PRPSAP2: variants seen among roughly 807,000 people sequenced by gnomAD.
PRPSAP2 encodes phosphoribosyl pyrophosphate synthetase associated protein 2, also known as phosphoribosyl pyrophosphate synthase-associated protein 2.
A neutral mutation model predicts 40.6 loss-of-function variants in PRPSAP2; 24 were observed. That is an observed-to-expected ratio of 0.59 (90% CI 0.43 to 0.83). The LOEUF (loss-of-function observed/expected upper bound fraction) is 0.83, where lower values mean the gene tolerates loss of function less well. PRPSAP2 is among the 40% of genes least tolerant of loss of function. The probability of loss-of-function intolerance (pLI) is 0.00; values close to 1 mark genes in which losing one functional copy is unlikely to be tolerated. For missense variants in PRPSAP2, 292 were observed against 465.6 expected (o/e 0.63, Z 3.43); for synonymous variants, 149 against 164.7 (o/e 0.90, Z 0.73).
intron 9 of PRPSAP2, among the ~76,000 whole-genome samples, chr17:18,912,380 A>C (rs1210985642): frequency 3.3e-5 from 5 of 152,142 alleles, no homozygotes; most frequent in Non-Finnish European, 7.4e-5. Flanking sequence ...CTACCTCTTA[A>C]TACCACCACA....
chr17:18,897,453 G>GTTGTTGT (rs1555555755), intron 8 of PRPSAP2, among the ~76,000 whole-genome samples: 1,860 of 150,530 alleles, frequency 0.012, 16 homozygotes, highest in Non-Finnish European at 0.017. Context: ...CTCTATAGTG[G>GTTGTTGT]TGTTGTTGTT....
At chr17:18,913,903 C>A (rs113778654) in intron 9 of PRPSAP2, among the ~76,000 whole-genome samples, 27,053 of 151,082 alleles carry the variant, frequency 0.18, 2,656 homozygotes, top group African/African-American at 0.24. Context: ...TGGCTGGGCG[C>A]GGCGGCTCAC....
chr17:18,907,788 A>G (rs1021948984), intron 8 of PRPSAP2, among the ~76,000 whole-genome samples: 2 of 152,178 alleles, frequency 1.3e-5, no homozygotes, highest in Non-Finnish European at 2.9e-5. Flanking sequence ...TAGATAACCC[A>G]TAGGTCAAAG....
intron 4 of PRPSAP2, among the ~76,000 whole-genome samples, chr17:18,872,341 G>A (rs2037954762): frequency 6.6e-6 from 1 of 151,908 alleles, no homozygotes; most frequent in South Asian, 2.1e-4. Context: ...TATATAAGGG[G>A]TGAGAATTAT....
intron 8 of PRPSAP2, among the ~76,000 whole-genome samples, chr17:18,907,257 C>G (rs2040652863): frequency 6.6e-6 from 1 of 151,954 alleles, no homozygotes; most frequent in African/African-American, 2.4e-5. Flanking sequence ...TCAGGAGTGG[C>G]TGTATTAATA....
chr17:18,914,403 G>C (rs980256250), intron 9 of PRPSAP2, among the ~76,000 whole-genome samples: 6 of 149,976 alleles, frequency 4.0e-5, no homozygotes, highest in African/African-American at 1.5e-4. Context: ...GACTATAGAT[G>C]TGTGCACCAG....
intron 5 of PRPSAP2, among the ~76,000 whole-genome samples, chr17:18,877,313 C>T (rs1227104359): frequency 1.3e-5 from 2 of 151,978 alleles, no homozygotes; most frequent in African/African-American, 4.8e-5. Context: ...TGTTTGTGGC[C>T]GATGGGTTAT....
At chr17:18,861,642 A>G (rs529128703) in intron 1 of PRPSAP2, among the ~76,000 whole-genome samples, 53 of 152,314 alleles carry the variant, frequency 3.5e-4, no homozygotes, top group African/African-American at 1.2e-3. Context: ...ATAGAAGCCT[A>G]TATCTGAAGT....
At chr17:18,865,650 C>A (rs2037374653) in intron 2 of PRPSAP2, 86 bp downstream of exon 2, 2 of 339,036 alleles carry the variant, frequency 5.9e-6, no homozygotes, top group Non-Finnish European at 9.7e-6. Context: ...TCCAACTGAA[C>A]TTTCTGTTTG....
Position 18,893,750 on chromosome 17 carries a change from G to A in PRPSAP2, c.584+3873G>A, listed in dbSNP as rs150294102. On this transcript the variant is annotated intron_variant, in intron 8 of 11. Coordinates refer to ENST00000268835, the MANE Select transcript of PRPSAP2 (RefSeq NM_002767.4). ...TAATTTTTGTGTTTTTAGTAGAGAC[G>A]GGGTTTCGCCATGTTGGCCAGACTG... Among the ~76,000 whole-genome samples, 212 of 152,160 alleles carry A rather than the reference G, an allele frequency of 1.4e-3. 1 individual carries two copies. The highest frequency in any genetic ancestry group is 4.9e-3 in the African/African-American group (205 of 41,516).
intron 4 of PRPSAP2, among the ~76,000 whole-genome samples, chr17:18,870,692 C>T (rs979965236): frequency 7.3e-5 from 11 of 151,660 alleles, no homozygotes; most frequent in Non-Finnish European, 1.5e-4. Context: ...AGCTGTAATC[C>T]TAGCTACTTG....
At chr17:18,929,991 G>C (rs2042175348) in intron 11 of PRPSAP2, among the ~76,000 whole-genome samples, 1 of 152,110 alleles carries the variant, frequency 6.6e-6, no homozygotes, top group Non-Finnish European at 1.5e-5. Context: ...TTGGGGGGGG[G>C]CTCCAGTTTC....
intron 6 of PRPSAP2, among the ~76,000 whole-genome samples, chr17:18,879,970 C>G (rs559537221): frequency 1.3e-5 from 2 of 152,166 alleles, no homozygotes; most frequent in East Asian, 3.9e-4. Flanking sequence ...GTGACACATG[C>G]CTGTAATCCC....
At chr17:18,866,947 C>G (rs1016347975) in intron 3 of PRPSAP2, among the ~76,000 whole-genome samples, 3 of 152,044 alleles carry the variant, frequency 2.0e-5, no homozygotes, top group South Asian at 4.2e-4. Context: ...CAGAACCCCC[C>G]CAAGCAGAGG....
chr17:18,922,204 A>G (rs2041723309), intron 9 of PRPSAP2, among the ~76,000 whole-genome samples: 1 of 152,204 alleles, frequency 6.6e-6, no homozygotes, highest in African/African-American at 2.4e-5. Flanking sequence ...AGCATTTGAA[A>G]GGAATTTGGG....
At chr17:18,910,438 C>G (rs1029337055) in intron 8 of PRPSAP2, among the ~76,000 whole-genome samples, 1 of 151,842 alleles carries the variant, frequency 6.6e-6, no homozygotes, top group Admixed American at 6.6e-5. Flanking sequence ...AAAAATCAGA[C>G]AAAAAAAGGC....
At chr17:18,875,077 T>G (rs986910249) in intron 5 of PRPSAP2, among the ~76,000 whole-genome samples, 5 of 152,208 alleles carry the variant, frequency 3.3e-5, no homozygotes, top group Admixed American at 6.5e-5. Context: ...ATACTTATCC[T>G]GTGCCCCTGT....
chr17:18,859,785 C>T (rs1431770323), intron 1 of PRPSAP2: 1 of 152,206 alleles, frequency 6.6e-6, no homozygotes, highest in African/African-American at 2.4e-5. Context: ...TGCTCTGTCT[C>T]CCGGGCTGGA....
chr17:18,925,130 A>G (rs909104899), intron 10 of PRPSAP2, among the ~76,000 whole-genome samples: 1 of 152,220 alleles, frequency 6.6e-6, no homozygotes, highest in Non-Finnish European at 1.5e-5. Flanking sequence ...AAAAGAAAAA[A>G]AAAAAGTAAA....
Sources: gnomAD v4.1 joint callset for allele counts (sites outside exome capture counted in the v4.1 genomes callset) on GRCh38, gnomAD v4.1.1 for gene constraint, MANE v1.5 for transcripts, NCBI Gene and HGNC (gene_info 2026-07-23, HGNC 2026-07-21) for gene names.